The following G2E3 variants were observed in gnomAD, a reference collection of about 807,000 sequenced individuals.
The protein encoded by G2E3 is G2/M phase-specific E3 ubiquitin-protein ligase.
G2E3 carries 35 observed loss-of-function variants against 92.8 expected under a neutral mutation model. That is an observed-to-expected ratio of 0.38 (90% confidence interval 0.29 to 0.50). The LOEUF (loss-of-function observed/expected upper bound fraction) is 0.50. Ranked by LOEUF, G2E3 falls within the 20% of genes least tolerant of loss-of-function variation. The pLI is 0.94. For missense variants in G2E3, 554 were observed against 823.8 expected (o/e 0.67, Z 4.01); for synonymous variants, 242 against 272.4 (o/e 0.89, Z 1.10).
At chr14:30,561,524 C>T (rs1482511340) in intron 1 of G2E3, among the ~76,000 whole-genome samples, 3 of 152,204 alleles carry the variant, frequency 2.0e-5, no homozygotes, top group Non-Finnish European at 2.9e-5. Flanking sequence ...ACACCAGTCT[C>T]TTCCAACCTG....
chr14:30,568,540 A>G (rs1383794259), intron 1 of G2E3, among the ~76,000 whole-genome samples: 8 of 151,604 alleles, frequency 5.3e-5, no homozygotes, highest in African/African-American at 1.9e-4. Flanking sequence ...TTCCCTTCTC[A>G]TTACCTTTTC....
intron 8 of G2E3, among the ~76,000 whole-genome samples, chr14:30,601,554 T>G (rs1044371885): frequency 4.6e-5 from 7 of 152,256 alleles, no homozygotes; most frequent in Non-Finnish European, 8.8e-5. Flanking sequence ...AATATTTGTT[T>G]ATATTCTTTG....
intron 11 of G2E3, among the ~76,000 whole-genome samples, chr14:30,606,677 T>C (rs947861411): frequency 7.9e-5 from 12 of 152,138 alleles, no homozygotes; most frequent in African/African-American, 2.4e-4. Context: ...TTACTCTCTC[T>C]GGATCTCAGT....
intron 1 of G2E3, among the ~76,000 whole-genome samples, chr14:30,565,731 G>A (rs937825023): frequency 1.5e-5 from 2 of 133,448 alleles, no homozygotes; most frequent in African/African-American, 2.9e-5. Flanking sequence ...GCACAATCTC[G>A]GCTCACTGCA....
At chr14:30,575,962 C>G (rs1200886246) in intron 1 of G2E3, among the ~76,000 whole-genome samples, 1 of 152,162 alleles carries the variant, frequency 6.6e-6, no homozygotes, top group Non-Finnish European at 1.5e-5. Flanking sequence ...TTTACAGATT[C>G]ACTGCTATTC....
chr14:30,600,602 C>A (rs1470395597), intron 8 of G2E3, among the ~76,000 whole-genome samples: 1 of 152,132 alleles, frequency 6.6e-6, no homozygotes, highest in East Asian at 1.9e-4. Context: ...ATATGTATTT[C>A]TTGTATACCA....
chr14:30,590,542 A>G, intron 4 of G2E3: 2 of 388,330 alleles, frequency 5.2e-6, no homozygotes, highest in Non-Finnish European at 1.0e-5. Flanking sequence ...TCTGGAAATT[A>G]AGGAGGATGG....
In G2E3 at chr14:30,612,362, C is replaced by T. The variant is rs143256459; in HGVS notation, c.1656C>T (p.Val552=). 1.3e-4 allele frequency: 201 copies of T among 1,585,090 alleles called. No individual in the cohort carries two copies. The African/African-American group carries it at 2.4e-3, about 19-fold the overall frequency. Residue 552 remains valine, a synonymous_variant, in exon 13 of 15, where the codon GTC becomes GTT. Coordinates refer to ENST00000206595, the MANE Select transcript of G2E3 (RefSeq NM_017769.5). Reference sequence around the variant, plus strand: ...TTGGCTACCATGTAATTCAGAGAGTCCACACACCCTTTGAAAGGTAAGTTG... The same window carrying T: ...TTGGCTACCATGTAATTCAGAGAGTTCACACACCCTTTGAAAGGTAAGTTG... ...DILGYHVIQR[V]HTPFESFKQG...
Position 30,602,100 on chromosome 14 carries a change from T to C in G2E3, c.979T>C (p.Ser327Pro), listed in dbSNP as rs1355823634. 1 of 1,610,712 alleles carries C rather than the reference T, an allele frequency of 6.2e-7. No homozygotes were observed. The highest frequency in any genetic ancestry group is 8.5e-7 in the Non-Finnish European group (1 of 1,177,412). Reference sequence around the variant, plus strand: ...GTCATCACCTAAATTACCCAGACAGTCACCTGGATCCCAGAGTAAAGATCT... The same window carrying C: ...GTCATCACCTAAATTACCCAGACAGCCACCTGGATCCCAGAGTAAAGATCT... ...EESSPKLPRQ[S>P]PGSQSKDLLR... is the part of the protein sequence containing the mutation. Residue 327 changes from serine to proline, a missense_variant, in exon 10 of 15, where the codon TCA becomes CCA. This residue lies in a region of G2E3 where 397 missense variants were observed against 560.3 expected (regional missense o/e 0.71). Transcript: ENST00000206595.
At chr14:30,580,072 A>C (rs1880342826) in intron 1 of G2E3, among the ~76,000 whole-genome samples, 1 of 152,220 alleles carries the variant, frequency 6.6e-6, no homozygotes, top group South Asian at 2.1e-4. Context: ...AATGTCTTTC[A>C]GTATGTAAAT....
At chr14:30,601,622 A>G in intron 8 of G2E3, 148 bp from the exon 9 acceptor site, 1 of 712,424 alleles carries the variant, frequency 1.4e-6, no homozygotes. Context: ...ATATTTAGAG[A>G]AGCAGATAAT....
At chr14:30,582,672 G>A (rs1446825537) in intron 2 of G2E3, among the ~76,000 whole-genome samples, 2 of 152,180 alleles carry the variant, frequency 1.3e-5, no homozygotes, top group Non-Finnish European at 2.9e-5. Flanking sequence ...GGAGCTTACT[G>A]GTGTAGAATG....
At chr14:30,593,442 T>G in intron 5 of G2E3, 32 bp from the exon 6 acceptor site, 57 of 1,164,838 alleles carry the variant, frequency 4.9e-5, no homozygotes, top group Non-Finnish European at 6.2e-5. Context: ...TTGCAGTTCA[T>G]GAGATTTTTT....
intron 6 of G2E3, among the ~76,000 whole-genome samples, chr14:30,597,128 AT>A (rs1229564740): frequency 6.6e-6 from 1 of 152,226 alleles, no homozygotes; most frequent in Non-Finnish European, 1.5e-5. Flanking sequence ...GCAACACAAC[AT>A]TTAGTAACAT....
At position 30,563,695 on chromosome 14, in the gene G2E3, T is replaced by TTGTGTGTGTGTG. The variant is rs56029424; in HGVS notation, c.-5+4456_-5+4467dup. ...ATGTAAACTTGTAACTTTGTTACTT[T>TTGTGTGTGTGTG]TGTGTGTGTGTGTGTGTGTGTGTGT... On this transcript the variant is annotated intron_variant, in intron 1 of 14. Coordinates refer to ENST00000206595, the MANE Select transcript of G2E3 (RefSeq NM_017769.5). Among the ~76,000 whole-genome samples the TTGTGTGTGTGTG allele has an allele frequency of 5.7e-4, 80 of 141,292 alleles. 2 individuals carry two copies. The highest frequency in any genetic ancestry group is 9.9e-4 in the Admixed American group (14 of 14,126). The allele number at this position is 141,292 out of a possible 152,430, so 92.7% of individuals were successfully genotyped here. A position where few individuals can be genotyped will look rare whatever the true frequency, so the allele number is the denominator to read the frequency against.
At chr14:30,601,409 T>A (rs1020853050) in intron 8 of G2E3, among the ~76,000 whole-genome samples, 24 of 152,176 alleles carry the variant, frequency 1.6e-4, no homozygotes, top group African/African-American at 5.5e-4. Context: ...GAATGTTTCT[T>A]CCATATCAGA....
intron 5 of G2E3, among the ~76,000 whole-genome samples, chr14:30,592,976 T>C (rs761154477): frequency 1.3e-5 from 2 of 152,202 alleles, no homozygotes; most frequent in Non-Finnish European, 2.9e-5. Context: ...TTAGTAGTTG[T>C]GTTTTTGACC....
rs192667886 is a variant in G2E3, at chr14:30,612,243, A to G, written c.1537A>G (p.Ile513Val). ...AACAACTGTAGCTGACTTAAAGTCAATAATAAATGAATGCTATAACTACCT... is the reference window on the plus strand; with the variant it reads ...AACAACTGTAGCTGACTTAAAGTCAGTAATAAATGAATGCTATAACTACCT... ...TATTVADLKS[I>V]INECYNYLEL... The change falls in exon 13 of 15, where the codon ATA (isoleucine) becomes GTA (valine). Residue 513 changes from isoleucine to valine, a missense_variant. Ile to Val is a conservative substitution (Grantham distance 29). Around this residue, in one of 3 missense-constraint regions of G2E3, gnomAD observed 397 missense variants for 560.3 expected, o/e 0.71. Coordinates refer to ENST00000206595, the MANE Select transcript of G2E3 (RefSeq NM_017769.5). 12 of 1,611,012 alleles carry G rather than the reference A, an allele frequency of 7.4e-6. No homozygotes were observed. In the East Asian group the frequency reaches 8.9e-5, roughly 12 times the overall value.
intron 4 of G2E3, chr14:30,590,998 C>G (rs1195335113): frequency 4.6e-6 from 1 of 216,874 alleles, no homozygotes; most frequent in East Asian, 1.2e-4. Context: ...TGAGCATTTC[C>G]TTTGAGCATC....
Sources: allele counts gnomAD v4.1 joint callset (sites outside exome capture counted in the v4.1 genomes callset), GRCh38; gene constraint gnomAD v4.1.1; regional missense constraint gnomAD v4.1.1; transcripts MANE v1.5; gene names NCBI Gene and HGNC (gene_info 2026-07-23, HGNC 2026-07-21).